Variants in GABRB1 observed in about 807,000 individuals in gnomAD.
The protein encoded by GABRB1 is gamma-aminobutyric acid type A receptor subunit beta1.
Under a neutral mutation model 51.6 loss-of-function variants are expected in GABRB1, and 17 were observed. That is an observed-to-expected ratio of 0.33 (90% CI 0.23 to 0.49). The LOEUF (loss-of-function observed/expected upper bound fraction) is 0.49, where lower values mean the gene tolerates loss of function less well. GABRB1 is among the 20% of genes least tolerant of loss of function. The probability of loss-of-function intolerance (pLI) is 0.99; values close to 1 mark genes in which losing one functional copy is unlikely to be tolerated. For synonymous variants in GABRB1, 247 were observed against 218.9 expected, an observed-to-expected ratio of 1.13 and a Z score of -1.14; for missense variants, 410 against 600.6, an observed-to-expected ratio of 0.68 and a Z score of 3.32.
At chr4:47,245,035 C>CA (rs1721690140) in intron 4 of GABRB1, among the ~76,000 whole-genome samples, 1 of 152,008 alleles carries the variant, frequency 6.6e-6, no homozygotes, top group Admixed American at 6.6e-5. Context: ...AAAAACCATT[C>CA]AAAAAATCCG....
At chr4:47,194,331 C>G (rs974013462) in intron 4 of GABRB1, among the ~76,000 whole-genome samples, 2 of 152,112 alleles carry the variant, frequency 1.3e-5, no homozygotes, top group African/African-American at 4.8e-5. Flanking sequence ...TTTTAACAAG[C>G]TTACATTTTT....
chr4:47,018,604 C>A (rs897384610), intron 1 of GABRB1, among the ~76,000 whole-genome samples: 6 of 152,228 alleles, frequency 3.9e-5, no homozygotes, highest in Admixed American at 2.0e-4. Context: ...TGGCCAGAAA[C>A]CTTACTGATA....
At chr4:47,404,969 T>C (rs1263114440) in intron 7 of GABRB1, among the ~76,000 whole-genome samples, 1 of 152,194 alleles carries the variant, frequency 6.6e-6, no homozygotes, top group Non-Finnish European at 1.5e-5. Flanking sequence ...AAGCTATTCT[T>C]TGGATGGTAA....
chr4:47,192,682 C>T (rs1481258507), intron 4 of GABRB1, among the ~76,000 whole-genome samples: 1 of 152,112 alleles, frequency 6.6e-6, no homozygotes, highest in Non-Finnish European at 1.5e-5. Context: ...TGCAGTCCCA[C>T]AAACAGAATA....
intron 5 of GABRB1, among the ~76,000 whole-genome samples, chr4:47,342,265 CA>C: frequency 6.6e-6 from 1 of 152,014 alleles, no homozygotes; most frequent in Middle Eastern, 3.4e-3. Context: ...ACTTAAAAAA[CA>C]AAAGGCAAGA....
At chr4:47,297,718 A>G (rs1322874514) in intron 4 of GABRB1, among the ~76,000 whole-genome samples, 1 of 152,218 alleles carries the variant, frequency 6.6e-6, no homozygotes, top group African/African-American at 2.4e-5. Flanking sequence ...AAACTATTCC[A>G]ATCAATAGAA....
chr4:47,425,733 C>A lies in GABRB1; in HGVS notation c.1140C>A (p.Gly380=). The A allele has an allele frequency of 6.2e-7, 1 of 1,614,072 alleles. No homozygotes were observed. Among genetic ancestry groups the A allele is most frequent in the Non-Finnish European group, 8.5e-7 (1 of 1,179,962 alleles). ...STLEIRNETS[G]SEVLTSVSDP... is the part of the protein sequence containing the mutation. ...TGGAAATCCGGAATGAGACGAGTGG[C>A]TCGGAAGTGCTCACGAGCGTGAGCG... Residue 380 remains glycine, a synonymous_variant, in exon 9 of 9, where the codon GGC becomes GGA. Coordinates refer to ENST00000295454, the MANE Select transcript of GABRB1 (RefSeq NM_000812.4).
chr4:47,185,421 C>T (rs986393314), intron 4 of GABRB1, among the ~76,000 whole-genome samples: 1 of 151,802 alleles, frequency 6.6e-6, no homozygotes, highest in Non-Finnish European at 1.5e-5. Context: ...CACAACCCTA[C>T]CATGGAGTTA....
At chr4:47,395,406 C>T (rs1027086352) in intron 5 of GABRB1, among the ~76,000 whole-genome samples, 2 of 152,108 alleles carry the variant, frequency 1.3e-5, no homozygotes, top group African/African-American at 2.4e-5. Context: ...CGAACTCATT[C>T]GCTAACACGA....
intron 3 of GABRB1, among the ~76,000 whole-genome samples, chr4:47,042,669 G>A (rs556349994): frequency 7.0e-4 from 106 of 151,416 alleles, no homozygotes; most frequent in African/African-American, 2.4e-3. Context: ...ATAAAAGGTA[G>A]CATATGAAAA....
chr4:47,275,507 A>G (rs1723040348), intron 4 of GABRB1, among the ~76,000 whole-genome samples: 1 of 152,156 alleles, frequency 6.6e-6, no homozygotes, highest in Non-Finnish European at 1.5e-5. Flanking sequence ...CTGTGTTTAC[A>G]TAGTCTTTTG....
intron 3 of GABRB1, among the ~76,000 whole-genome samples, chr4:47,100,660 G>A (rs140880674): frequency 7.8e-4 from 119 of 151,842 alleles, no homozygotes; most frequent in Middle Eastern, 6.8e-3. Flanking sequence ...ACCAAATGTT[G>A]TGATGGAAAA....
chr4:47,046,007 A>G (rs1306824176), intron 3 of GABRB1, among the ~76,000 whole-genome samples: 9 of 152,072 alleles, frequency 5.9e-5, no homozygotes, highest in Admixed American at 5.9e-4. Flanking sequence ...TGACTGAAAC[A>G]TAGGGGCAGT....
intron 4 of GABRB1, among the ~76,000 whole-genome samples, chr4:47,279,097 T>TGGAC (rs1231778725): frequency 1.3e-5 from 2 of 151,330 alleles, no homozygotes; most frequent in African/African-American, 4.9e-5. Flanking sequence ...GATGGATGGA[T>TGGAC]GGATGGATGG....
intron 4 of GABRB1, among the ~76,000 whole-genome samples, chr4:47,213,762 G>T (rs1295215253): frequency 6.7e-6 from 1 of 150,166 alleles, no homozygotes; most frequent in Non-Finnish European, 1.5e-5. Flanking sequence ...AATGTCTTCT[G>T]TTTTGGGGGG....
At chr4:47,187,946 C>T (rs1719255635) in intron 4 of GABRB1, among the ~76,000 whole-genome samples, 1 of 151,972 alleles carries the variant, frequency 6.6e-6, no homozygotes, top group Non-Finnish European at 1.5e-5. Flanking sequence ...TTCCACCATG[C>T]CATCTAATCA....
rs76340144 is a variant in GABRB1 at position 47,342,941 on chromosome 4, C to T, written c.544+22732C>T. On this transcript the variant is annotated intron_variant, in intron 5 of 8. Transcript: ENST00000295454. ...GCACTATGGAAAGCAAGGAAACAGACCTCAATGCTGTCATATTTGGCAAGA... is the reference window on the plus strand; with the variant it reads ...GCACTATGGAAAGCAAGGAAACAGATCTCAATGCTGTCATATTTGGCAAGA... Among the ~76,000 whole-genome samples the T allele has an allele frequency of 5.1e-3, 782 of 152,126 alleles. 20 individuals carry two copies. Among genetic ancestry groups the T allele is most frequent in the East Asian group, 0.042 (215 of 5,180 alleles).
intron 4 of GABRB1, among the ~76,000 whole-genome samples, chr4:47,250,805 T>C (rs749512999): frequency 6.6e-6 from 1 of 152,240 alleles, no homozygotes; most frequent in African/African-American, 2.4e-5. Flanking sequence ...AATTTTTGAA[T>C]CTTTTTTAAG....
intron 8 of GABRB1, among the ~76,000 whole-genome samples, chr4:47,425,077 A>G (rs1481477990): frequency 6.6e-6 from 1 of 152,208 alleles, no homozygotes; most frequent in Non-Finnish European, 1.5e-5. Context: ...AAACCTTAAC[A>G]TCTAACAACA....
Sources: allele counts gnomAD v4.1 joint callset (sites outside exome capture counted in the v4.1 genomes callset), GRCh38; gene constraint gnomAD v4.1.1; transcripts MANE v1.5; gene names NCBI Gene and HGNC (gene_info 2026-07-23, HGNC 2026-07-21).